The following PTPRD variants were observed in gnomAD, a reference collection of about 807,000 sequenced individuals.
PTPRD encodes receptor-type tyrosine-protein phosphatase delta.
A neutral mutation model predicts 214.5 loss-of-function variants in PTPRD; 34 were observed. That is an observed-to-expected ratio of 0.16 (90% CI 0.12 to 0.21). The LOEUF is 0.21. Ranked by LOEUF, PTPRD falls within the 10% of genes least tolerant of loss-of-function variation. The pLI is 1.00. For missense variants in PTPRD, 2,545 were observed against 2,398.7 expected (o/e 1.06, Z -1.27); for synonymous variants, 1,128 against 845.7 (o/e 1.33, Z -5.79).
chr9:9,871,411 A>G (rs894408028), intron 5 of PTPRD, among the ~76,000 whole-genome samples: 8 of 152,196 alleles, frequency 5.3e-5, no homozygotes, highest in African/African-American at 1.9e-4. Flanking sequence ...TCCATTTTGA[A>G]TATTTTCTGA....
At chr9:9,920,032 A>T (rs2082116574) in intron 5 of PTPRD, among the ~76,000 whole-genome samples, 2 of 152,146 alleles carry the variant, frequency 1.3e-5, no homozygotes, top group Admixed American at 1.3e-4. Context: ...AGGTTACAAT[A>T]AACGGGATTT....
At chr9:9,228,724 T>C (rs924187605) in intron 9 of PTPRD, among the ~76,000 whole-genome samples, 7 of 152,164 alleles carry the variant, frequency 4.6e-5, no homozygotes, top group East Asian at 3.9e-4. Context: ...AACGTCATTA[T>C]GTATTTCAAA....
chr9:9,973,681 C>A (rs1053889169), intron 4 of PTPRD, among the ~76,000 whole-genome samples: 2 of 152,030 alleles, frequency 1.3e-5, no homozygotes, highest in Non-Finnish European at 2.9e-5. Flanking sequence ...AGTAAGGTGT[C>A]TTCTGTGGGA....
intron 3 of PTPRD, among the ~76,000 whole-genome samples, chr9:10,098,943 C>G (rs1278336213): frequency 6.6e-6 from 1 of 151,590 alleles, no homozygotes; most frequent in Admixed American, 6.6e-5. Context: ...AGCAAGAAGT[C>G]AAATAGAATT....
chr9:9,270,339 A>G (rs945214219), intron 9 of PTPRD, among the ~76,000 whole-genome samples: 1 of 151,446 alleles, frequency 6.6e-6, no homozygotes, highest in Non-Finnish European at 1.5e-5. Context: ...ACATGAAAAT[A>G]TTTAGACAAG....
chr9:10,215,519 A>G (rs2099537173), intron 3 of PTPRD, among the ~76,000 whole-genome samples: 1 of 152,100 alleles, frequency 6.6e-6, no homozygotes, highest in South Asian at 2.1e-4. Flanking sequence ...GTTAATTAAT[A>G]CAGAACAATA....
intron 8 of PTPRD, among the ~76,000 whole-genome samples, chr9:9,522,608 A>T (rs2097012243): frequency 6.6e-6 from 1 of 152,166 alleles, no homozygotes; most frequent in African/African-American, 2.4e-5. Context: ...ACAAGAAAGA[A>T]AAAAGCCAAG....
At chr9:10,483,977 A>C (rs2099116639) in intron 2 of PTPRD, among the ~76,000 whole-genome samples, 1 of 152,192 alleles carries the variant, frequency 6.6e-6, no homozygotes, top group Admixed American at 6.5e-5. Context: ...TCAAACATGT[A>C]TATCGCAGTA....
chr9:9,526,920 C>G (rs369292313), intron 8 of PTPRD, among the ~76,000 whole-genome samples: 3 of 151,712 alleles, frequency 2.0e-5, no homozygotes, highest in African/African-American at 7.3e-5. Flanking sequence ...TTATTTTAAC[C>G]CAGTGAACTG....
At chr9:8,502,354 TC>T (rs1394199288) in intron 23 of PTPRD, among the ~76,000 whole-genome samples, 1 of 151,938 alleles carries the variant, frequency 6.6e-6, no homozygotes, top group Non-Finnish European at 1.5e-5. Context: ...GAATGTGTAG[TC>T]TGGGGATTTC....
At chr9:9,908,876 C>A (rs2078381705) in intron 5 of PTPRD, among the ~76,000 whole-genome samples, 1 of 151,906 alleles carries the variant, frequency 6.6e-6, no homozygotes, top group Admixed American at 6.6e-5. Flanking sequence ...AGGTCGGTAA[C>A]ACTTCTTTGG....
Position 10,287,533 on chromosome 9 carries a change from A to G in PTPRD, c.-545+53430T>C, listed in dbSNP as rs866264288. ...ATAATGATGCCGCCATTGCTACTGC[A>G]TGTATCCTAAAACCAGGCCTCTCCC... On this transcript the variant is annotated intron_variant, in intron 3 of 45. Transcript: ENST00000381196. Among the ~76,000 whole-genome samples the G allele has an allele frequency of 2.6e-5, 4 of 152,230 alleles. No individual in the cohort carries two copies. In the South Asian group the frequency reaches 6.2e-4, roughly 24 times the overall value.
chr9:9,329,191 C>T (rs1266025992), intron 9 of PTPRD, among the ~76,000 whole-genome samples: 1 of 151,910 alleles, frequency 6.6e-6, no homozygotes, highest in Admixed American at 6.6e-5. Flanking sequence ...ATCACAGAAA[C>T]AGGATAATAT....
chr9:9,089,675 C>T (rs1019539982), intron 10 of PTPRD, among the ~76,000 whole-genome samples: 3 of 152,084 alleles, frequency 2.0e-5, no homozygotes, highest in African/African-American at 7.2e-5. Context: ...TCCAATTTTT[C>T]CTGACTGTTG....
intron 11 of PTPRD, among the ~76,000 whole-genome samples, chr9:8,762,441 AAAT>A (rs561998657): frequency 2.4e-4 from 37 of 152,294 alleles, no homozygotes; most frequent in African/African-American, 8.2e-4. Context: ...AAATAATAAT[AAAT>A]AATGAGAATA....
Position 8,317,455 on chromosome 9 carries a change from A to G in PTPRD, c.*419T>C, listed in dbSNP as rs1404258662. ...ATGAGCAGTATGGTGGGAAGGGGCG[A>G]TGTCAAAGCAGAGTCCGTTTCATTG... On this transcript the variant is annotated 3_prime_UTR_variant, in exon 46 of 46. Coordinates refer to ENST00000381196, the MANE Select transcript of PTPRD (RefSeq NM_002839.4). 4.2e-6 allele frequency: 1 copy of G among 240,326 alleles called. No individual in the cohort carries two copies. Among genetic ancestry groups the G allele is most frequent in the Non-Finnish European group, 8.2e-6 (1 of 121,338 alleles). The allele number at this position is 240,326 out of a possible 1,614,324, so 14.9% of individuals were successfully genotyped here. A position where few individuals can be genotyped will look rare whatever the true frequency, so the allele number is the denominator to read the frequency against.
At chr9:9,225,814 G>A (rs2099959082) in intron 9 of PTPRD, among the ~76,000 whole-genome samples, 1 of 152,004 alleles carries the variant, frequency 6.6e-6, no homozygotes, top group Non-Finnish European at 1.5e-5. Flanking sequence ...GAAAGAACTA[G>A]ACAGTTTGAA....
chr9:9,433,879 A>G (rs1285600094), intron 8 of PTPRD, among the ~76,000 whole-genome samples: 1 of 152,204 alleles, frequency 6.6e-6, no homozygotes, highest in African/African-American at 2.4e-5. Context: ...ACAGATCTGC[A>G]ACATTCCTAA....
chr9:8,857,007 TA>T (rs2097928838), intron 11 of PTPRD, among the ~76,000 whole-genome samples: 1 of 152,206 alleles, frequency 6.6e-6, no homozygotes, highest in African/African-American at 2.4e-5. Context: ...CTCTTCATTA[TA>T]AAAGATGCGT....
Sources: allele counts gnomAD v4.1 joint callset (sites outside exome capture counted in the v4.1 genomes callset), GRCh38; gene constraint gnomAD v4.1.1; transcripts MANE v1.5; gene names NCBI Gene and HGNC (gene_info 2026-07-23, HGNC 2026-07-21).